The following SLC5A12 variants were observed in gnomAD, a reference collection of about 807,000 sequenced individuals.
SLC5A12 encodes solute carrier family 5 member 12, also known as sodium-coupled monocarboxylate transporter 2.
Under a neutral mutation model 72.7 loss-of-function variants are expected in SLC5A12, and 46 were observed. That is an observed-to-expected ratio of 0.63 (90% CI 0.50 to 0.81). The LOEUF is 0.81. SLC5A12 is among the 30% of genes least tolerant of loss of function. The probability of loss-of-function intolerance (pLI) is 0.00; values close to 1 mark genes in which losing one functional copy is unlikely to be tolerated. For synonymous variants in SLC5A12, 275 were observed against 264.4 expected (o/e 1.04, Z -0.39); for missense variants, 683 against 740.7 (o/e 0.92, Z 0.90).
At chr11:26,723,328 C>T (rs1855513597), upstream of SLC5A12, 1 of 150,338 alleles carries the variant, frequency 6.7e-6, no homozygotes, top group Non-Finnish European at 1.5e-5. Context: ...TGAAGACTCT[C>T]CCAAGAGCTG....
rs2133145250 is a variant in SLC5A12, at chr11:26,681,065, G to T, written c.1465C>A (p.Leu489Ile). The change falls in exon 12 of 15, where the codon CTA becomes ATA. Residue 489 changes from leucine to isoleucine, a missense_variant. Transcript: ENST00000396005. The part of the protein sequence containing the change: ...SNVTATGPPV[L>I]SSRPGIADTW... Reference sequence around the variant, plus strand: ...ATAAAGTCAGCATACCTGCTGGATAGTACTGGAGGCCCTGTTGCTGTCACA... The same window carrying T: ...ATAAAGTCAGCATACCTGCTGGATATTACTGGAGGCCCTGTTGCTGTCACA... 6.2e-7 allele frequency: 1 copy of T among 1,605,572 alleles called. No individual in the cohort carries two copies. Among genetic ancestry groups the T allele is most frequent in the South Asian group, 1.1e-5 (1 of 89,530 alleles).
At position 26,703,791 on chromosome 11, in the gene SLC5A12, A is replaced by T. The variant is rs772119737; in HGVS notation, c.680+2T>A. 3.1e-6 allele frequency: 5 copies of T among 1,613,640 alleles called. No homozygotes were observed. On this transcript the variant is annotated splice_donor_variant, in intron 5 of 14. Coordinates refer to ENST00000396005, the MANE Select transcript of SLC5A12 (RefSeq NM_178498.4). LOFTEE classifies it high-confidence loss of function. ...AGTATGAAAAAGTTGCATTGGACATACTCAAATATATGTAGTCGAGATCCA... is the reference window on the plus strand; with the variant it reads ...AGTATGAAAAAGTTGCATTGGACATTCTCAAATATATGTAGTCGAGATCCA...
rs189932511 is a variant in SLC5A12, at chr11:26,719,638, A to G, written c.339+1738T>C. Among the ~76,000 whole-genome samples the G allele has an allele frequency of 2.4e-4, 37 of 152,198 alleles. No individual in the cohort carries two copies. In the Middle Eastern group the frequency reaches 0.01, roughly 42 times the overall value. ...CACACTCCTTTTCTAGGGCCTTTGC[A>G]TCTGTGACTACTTCAGCCTGAGATG... On this transcript the variant is annotated intron_variant, in intron 1 of 14. Transcript: ENST00000396005.
At chr11:26,677,980 G>A (rs1186470595) in intron 13 of SLC5A12, among the ~76,000 whole-genome samples, 1 of 152,122 alleles carries the variant, frequency 6.6e-6, no homozygotes, top group African/African-American at 2.4e-5. Flanking sequence ...AACCCCTCAT[G>A]GGCTTTGAAA....
chr11:26,680,127 A>G (rs1043947827), intron 12 of SLC5A12, among the ~76,000 whole-genome samples: 1 of 151,528 alleles, frequency 6.6e-6, no homozygotes, highest in African/African-American at 2.4e-5. Flanking sequence ...ATGAGCCAGT[A>G]TGGGGAGATA....
chr11:26,713,211 C>G (rs1032060614), intron 1 of SLC5A12, among the ~76,000 whole-genome samples: 1 of 152,104 alleles, frequency 6.6e-6, no homozygotes, highest in East Asian at 1.9e-4. Flanking sequence ...TTCAACAATT[C>G]TCTATCATTG....
rs969490762 is a variant in SLC5A12, at chr11:26,670,366, T to A, written c.*736A>T. 2 of 152,122 alleles carry A rather than the reference T, an allele frequency of 1.3e-5. No homozygotes were observed. The highest frequency in any genetic ancestry group is 1.3e-4 in the Admixed American group (2 of 15,240). The allele number at this position is 152,122 out of a possible 1,614,324, so 9.4% of individuals were successfully genotyped here. ...TGAGCTCTGAGGCAATTTTTCATTG[T>A]AAAGTGATAGAAAGGAAGAAGACAT... On this transcript the variant is annotated 3_prime_UTR_variant, in exon 15 of 15. Transcript: ENST00000396005.
At chr11:26,718,768 C>T (rs573717811) in intron 1 of SLC5A12, among the ~76,000 whole-genome samples, 14 of 152,008 alleles carry the variant, frequency 9.2e-5, no homozygotes, top group African/African-American at 1.2e-4. Flanking sequence ...GGATTACAGA[C>T]GTGAGCCACC....
rs868353771 is a variant in SLC5A12, at chr11:26,718,634, G to A, written c.339+2742C>T. Among the ~76,000 whole-genome samples, 847 of 142,760 alleles carry A rather than the reference G, an allele frequency of 5.9e-3. 9 individuals carry two copies. Among genetic ancestry groups the A allele is most frequent in the African/African-American group, 8.1e-3 (305 of 37,708 alleles). 93.7% of individuals were successfully genotyped at this position (142,760 alleles called of 152,430 possible). A position where few individuals can be genotyped will look rare whatever the true frequency, so the allele number is the denominator to read the frequency against. On this transcript the variant is annotated intron_variant, in intron 1 of 14. Transcript: ENST00000396005. ...CCTGGCTAATTTTGTGTGTGTGTGT[G>A]TGTGTGTGTGTGTGTGTGTGTGTGT...
At chr11:26,680,385 A>G in intron 12 of SLC5A12, among the ~76,000 whole-genome samples, 1 of 69,908 alleles carries the variant, frequency 1.4e-5, no homozygotes. Context: ...ATATATATGT[A>G]TATATATTCA....
chr11:26,711,265 A>G, intron 3 of SLC5A12, 42 bp downstream of exon 3: 1 of 1,557,742 alleles, frequency 6.4e-7, no homozygotes, highest in Non-Finnish European at 8.8e-7. Context: ...GAATTCAGGC[A>G]TAAAAATGGT....
intron 1 of SLC5A12, among the ~76,000 whole-genome samples, chr11:26,715,247 T>C (rs1256412924): frequency 6.6e-6 from 1 of 152,168 alleles, no homozygotes; most frequent in Non-Finnish European, 1.5e-5. Flanking sequence ...TGGCATTCCC[T>C]GTTCCAGTAC....
chr11:26,673,456 C>G lies in SLC5A12; in HGVS notation c.1653G>C (p.Lys551Asn), dbSNP rs1426924179. Residue 551 changes from lysine to asparagine, a missense_variant, in exon 14 of 15, where the codon AAG (lysine) becomes AAC (asparagine). Coordinates refer to ENST00000396005, the MANE Select transcript of SLC5A12 (RefSeq NM_178498.4). ...CACACCAGCATAGTGTTTTGTACTT[C>G]TTAGACCAAAAGCAAAATAAATTAC... ...PVCNLFCFWS[K>N]KYKTLCWCGV... The G allele has an allele frequency of 6.2e-7, 1 of 1,611,934 alleles. No individual in the cohort carries two copies. Among genetic ancestry groups the G allele is most frequent in the Non-Finnish European group, 8.5e-7 (1 of 1,179,000 alleles).
intron 13 of SLC5A12, among the ~76,000 whole-genome samples, chr11:26,674,875 A>C (rs2133132430): frequency 6.6e-6 from 1 of 152,336 alleles, no homozygotes; most frequent in East Asian, 1.9e-4. Context: ...ATAGATTATC[A>C]CTAATCCCTA....
At chr11:26,719,517 C>A (rs1855429416) in intron 1 of SLC5A12, among the ~76,000 whole-genome samples, 1 of 152,070 alleles carries the variant, frequency 6.6e-6, no homozygotes, top group Admixed American at 6.6e-5. Context: ...TATAACTGGG[C>A]ACTCCCATCT....
In SLC5A12 at chr11:26,669,203, C is replaced by CTTTCTT. The variant is rs1590700233; in HGVS notation, c.*1893_*1898dup. On this transcript the variant is annotated 3_prime_UTR_variant, in exon 15 of 15. Coordinates refer to ENST00000396005, the MANE Select transcript of SLC5A12 (RefSeq NM_178498.4). ...TCTTTCTTCTTTTCTTTCTTTCTTT[C>CTTTCTT]TTTCTTTCTTTCTTTCTCTCTCTCC... 3.2e-5 allele frequency: 4 copies of CTTTCTT among 125,906 alleles called. No homozygotes were observed. The highest frequency in any genetic ancestry group is 2.8e-4 in the South Asian group (1 of 3,620). 7.8% of individuals were successfully genotyped at this position (125,906 alleles called of 1,614,324 possible).
chr11:26,670,841 T>G lies in SLC5A12; in HGVS notation c.*261A>C. 3.2e-6 allele frequency: 1 copy of G among 308,776 alleles called. No homozygotes were observed. Among genetic ancestry groups the G allele is most frequent in the Non-Finnish European group, 5.9e-6 (1 of 170,154 alleles). The allele number at this position is 308,776 out of a possible 1,614,324, so 19.1% of individuals were successfully genotyped here. A position where few individuals can be genotyped will look rare whatever the true frequency, so the allele number is the denominator to read the frequency against. Reference sequence around the variant, plus strand: ...CTTGAATGGTAATGAAATCCAGCCCTAATTTATTCAAGAAGGAAGTAGTCA... The same window carrying G: ...CTTGAATGGTAATGAAATCCAGCCCGAATTTATTCAAGAAGGAAGTAGTCA... On this transcript the variant is annotated 3_prime_UTR_variant, in exon 15 of 15. Coordinates refer to ENST00000396005, the MANE Select transcript of SLC5A12 (RefSeq NM_178498.4).
intron 9 of SLC5A12, among the ~76,000 whole-genome samples, chr11:26,688,959 A>G (rs1854600160): frequency 6.6e-6 from 1 of 152,064 alleles, no homozygotes; most frequent in Non-Finnish European, 1.5e-5. Flanking sequence ...CCATCAATAG[A>G]CTCAGATGTT....
chr11:26,708,345 T>C (rs548975713), intron 4 of SLC5A12, among the ~76,000 whole-genome samples: 6 of 151,818 alleles, frequency 4.0e-5, no homozygotes, highest in African/African-American at 1.4e-4. Context: ...GTGGGAAGAG[T>C]TGAGTGTCTG....
Sources: allele counts gnomAD v4.1 joint callset (sites outside exome capture counted in the v4.1 genomes callset), GRCh38; gene constraint gnomAD v4.1.1; transcripts MANE v1.5; gene names NCBI Gene and HGNC (gene_info 2026-07-23, HGNC 2026-07-21).